DLG2: variants seen among roughly 807,000 people sequenced by gnomAD.
DLG2 encodes discs large MAGUK scaffold protein 2, also known as disks large homolog 2.
DLG2 carries 45 observed loss-of-function variants against 132.5 expected under a neutral mutation model. The observed-to-expected ratio is 0.34, with a 90% CI of 0.27 to 0.44. The LOEUF (loss-of-function observed/expected upper bound fraction) is 0.44, where lower values mean the gene tolerates loss of function less well. Ranked by LOEUF, DLG2 falls within the 20% of genes least tolerant of loss-of-function variation. DLG2 has a pLI of 1.00. For synonymous variants in DLG2, 424 were observed against 419.6 expected, an observed-to-expected ratio of 1.01 and a Z score of -0.13; for missense variants, 1,045 against 1,196.9, an observed-to-expected ratio of 0.87 and a Z score of 1.87.
Position 83,467,785 on chromosome 11 carries a change from A to G in DLG2, c.2620-968T>C, listed in dbSNP as rs1304169152. ...AAAAACTATATGTATATATATATAT[A>G]TATATATATATATATATATATATAT... On this transcript the variant is annotated intron_variant, in intron 25 of 27. Coordinates refer to ENST00000376104, the MANE Select transcript of DLG2 (RefSeq NM_001142699.3). Among the ~76,000 whole-genome samples, 189 of 96,676 alleles carry G rather than the reference A, an allele frequency of 2.0e-3. 4 individuals are homozygous for G. The highest frequency in any genetic ancestry group is 9.4e-3 in the African/African-American group (178 of 19,018). 63.4% of individuals were successfully genotyped at this position (96,676 alleles called of 152,430 possible).
rs549003047 is a variant in DLG2 at position 84,390,674 on chromosome 11, G to C, written c.520-139383C>G. 1.9e-3 allele frequency among the ~76,000 whole-genome samples: 284 copies of C among 152,298 alleles called. 1 individual carries two copies. Among genetic ancestry groups the C allele is most frequent in the Non-Finnish European group, 3.2e-3 (219 of 68,024 alleles). On this transcript the variant is annotated intron_variant, in intron 7 of 27. Coordinates refer to ENST00000376104, the MANE Select transcript of DLG2 (RefSeq NM_001142699.3). Reference sequence around the variant, plus strand: ...AGAGTCTGGTGATCACCTGGTCTTAGAGGCTGTGAGAAAGAGAAGTTAAAG... The same window carrying C: ...AGAGTCTGGTGATCACCTGGTCTTACAGGCTGTGAGAAAGAGAAGTTAAAG...
chr11:84,184,164 A>G (rs1566852436), intron 8 of DLG2, among the ~76,000 whole-genome samples: 2 of 152,324 alleles, frequency 1.3e-5, no homozygotes, highest in African/African-American at 4.8e-5. Flanking sequence ...GACTTCCACA[A>G]GGGTTGAACT....
intron 4 of DLG2, among the ~76,000 whole-genome samples, chr11:85,239,958 A>G (rs367725616): frequency 2.6e-5 from 4 of 151,938 alleles, no homozygotes; most frequent in South Asian, 2.1e-4. Context: ...CAAATGTTCA[A>G]TTTTACAAGA....
At chr11:84,574,020 A>T (rs561748605) in intron 6 of DLG2, among the ~76,000 whole-genome samples, 1 of 152,166 alleles carries the variant, frequency 6.6e-6, no homozygotes, top group Non-Finnish European at 1.5e-5. Context: ...AGGACTAGGG[A>T]GGGGCAAAAC....
chr11:83,759,941 C>G (rs2093828585), intron 18 of DLG2, among the ~76,000 whole-genome samples: 1 of 152,152 alleles, frequency 6.6e-6, no homozygotes, highest in South Asian at 2.1e-4. Flanking sequence ...AATCTTGAAG[C>G]TCCCGAAGAT....
intron 6 of DLG2, among the ~76,000 whole-genome samples, chr11:84,766,222 A>G (rs1414655889): frequency 6.6e-6 from 1 of 152,060 alleles, no homozygotes; most frequent in Non-Finnish European, 1.5e-5. Context: ...TCACAAGTGC[A>G]AAGATAATTT....
Position 85,034,078 on chromosome 11 carries a change from ATT to A in DLG2, c.357+77581_357+77582del, listed in dbSNP as rs10719469. On this transcript the variant is annotated intron_variant, in intron 6 of 27. Coordinates refer to ENST00000376104, the MANE Select transcript of DLG2 (RefSeq NM_001142699.3). ...CTAGTATTGTCCTGAGATATATTAGATTTTTTTTTTTTTTTTTGAGATGGAGT... is the reference window on the plus strand; with the variant it reads ...CTAGTATTGTCCTGAGATATATTAGATTTTTTTTTTTTTTTGAGATGGAGT... Among the ~76,000 whole-genome samples, 239 of 137,820 alleles carry A rather than the reference ATT, an allele frequency of 1.7e-3. 1 individual carries two copies. The highest frequency in any genetic ancestry group is 8.2e-3 in the East Asian group (38 of 4,660). 90.4% of individuals were successfully genotyped at this position (137,820 alleles called of 152,430 possible). A position where few individuals can be genotyped will look rare whatever the true frequency, so the allele number is the denominator to read the frequency against.
In DLG2 at chr11:83,752,087, T is replaced by C. The variant is rs186912687; in HGVS notation, c.1825+34603A>G. On this transcript the variant is annotated intron_variant, in intron 18 of 27. Transcript: ENST00000376104. ...ATCGAGACCATCCTGGCTAACACGG[T>C]GAAACCCCGTCTCTACTAAAAATAG... 6.5e-3 allele frequency among the ~76,000 whole-genome samples: 985 copies of C among 152,072 alleles called. 15 individuals carry two copies. Among genetic ancestry groups the C allele is most frequent in the African/African-American group, 0.022 (930 of 41,484 alleles).
At chr11:85,018,727 CAATT>C (rs1402262614) in intron 6 of DLG2, among the ~76,000 whole-genome samples, 1 of 149,872 alleles carries the variant, frequency 6.7e-6, no homozygotes, top group Non-Finnish European at 1.5e-5. Flanking sequence ...TGTAATCATA[CAATT>C]AATAAGGTAG....
At position 84,084,363 on chromosome 11, in the gene DLG2, A is replaced by C. The variant is rs117201112; in HGVS notation, c.749+14560T>G. Among the ~76,000 whole-genome samples the C allele has an allele frequency of 4.8e-3, 730 of 152,300 alleles. 4 individuals carry two copies. The highest frequency in any genetic ancestry group is 8.3e-3 in the Non-Finnish European group (562 of 68,028). On this transcript the variant is annotated intron_variant, in intron 10 of 27. Transcript: ENST00000376104. ...CGTTAGCTTCCTCTGAGAAACCAAA[A>C]TGTAATGTGTTCCTTTGGAATGGAA...
intron 7 of DLG2, among the ~76,000 whole-genome samples, chr11:84,299,888 G>A (rs990367430): frequency 2.0e-5 from 3 of 152,084 alleles, no homozygotes; most frequent in African/African-American, 7.2e-5. Context: ...ACTTTTCCTT[G>A]GAACAACCAG....
intron 6 of DLG2, among the ~76,000 whole-genome samples, chr11:85,086,493 A>G (rs1489821611): frequency 6.6e-6 from 1 of 152,192 alleles, no homozygotes; most frequent in Non-Finnish European, 1.5e-5. Context: ...GAGGAAGAAA[A>G]AAATAAACAA....
intron 6 of DLG2, among the ~76,000 whole-genome samples, chr11:84,619,021 G>A (rs1379404210): frequency 6.6e-6 from 1 of 151,888 alleles, no homozygotes; most frequent in Non-Finnish European, 1.5e-5. Context: ...TTTGAAAAAT[G>A]TAAACAATTA....
intron 9 of DLG2, among the ~76,000 whole-genome samples, chr11:84,109,113 G>A (rs1049780227): frequency 6.6e-5 from 10 of 151,480 alleles, no homozygotes; most frequent in African/African-American, 9.7e-5. Flanking sequence ...TACTTACATC[G>A]TCAAAAAAAA....
intron 6 of DLG2, among the ~76,000 whole-genome samples, chr11:84,699,948 T>C (rs2059038143): frequency 6.6e-6 from 1 of 151,592 alleles, no homozygotes; most frequent in South Asian, 2.1e-4. Flanking sequence ...CAGTAAGACA[T>C]GAAGAAAATA....
At chr11:85,114,839 T>G (rs2073326713) in intron 5 of DLG2, among the ~76,000 whole-genome samples, 1 of 151,944 alleles carries the variant, frequency 6.6e-6, no homozygotes, top group Admixed American at 6.6e-5. Flanking sequence ...GAATATTTTT[T>G]TTTGTGTATC....
intron 6 of DLG2, among the ~76,000 whole-genome samples, chr11:85,026,334 T>C (rs1357627448): frequency 6.6e-6 from 1 of 152,020 alleles, no homozygotes; most frequent in Non-Finnish European, 1.5e-5. Flanking sequence ...AGTAACGGAA[T>C]TGCAAATCCC....
intron 10 of DLG2, among the ~76,000 whole-genome samples, chr11:84,083,813 A>T (rs2096936522): frequency 6.6e-6 from 1 of 152,222 alleles, no homozygotes; most frequent in South Asian, 2.1e-4. Context: ...ACAGTAACCA[A>T]AAATGAATAT....
At chr11:83,552,144 A>T (rs2096406027) in intron 19 of DLG2, among the ~76,000 whole-genome samples, 1 of 152,242 alleles carries the variant, frequency 6.6e-6, no homozygotes, top group African/African-American at 2.4e-5. Context: ...ATAAATAGGC[A>T]AATAGTATGA....
Sources: allele counts gnomAD v4.1 joint callset (sites outside exome capture counted in the v4.1 genomes callset), GRCh38; gene constraint gnomAD v4.1.1; transcripts MANE v1.5; gene names NCBI Gene and HGNC (gene_info 2026-07-23, HGNC 2026-07-21).